The following ROBO2 variants were observed in gnomAD, a reference collection of about 807,000 sequenced individuals.
ROBO2 encodes roundabout guidance receptor 2, also known as roundabout homolog 2.
A neutral mutation model predicts 160.8 loss-of-function variants in ROBO2; 53 were observed. The observed-to-expected ratio is 0.33, with a 90% confidence interval of 0.26 to 0.41. The LOEUF is 0.41. Ranked by LOEUF, ROBO2 falls within the 10% of genes least tolerant of loss-of-function variation. The pLI is 1.00. For synonymous variants in ROBO2, 664 were observed against 611.7 expected, an observed-to-expected ratio of 1.09 and a Z score of -1.26; for missense variants, 1,577 against 1,722.4, an observed-to-expected ratio of 0.92 and a Z score of 1.49.
At chr3:77,432,769 C>A (rs920213715) in intron 2 of ROBO2, among the ~76,000 whole-genome samples, 10 of 152,116 alleles carry the variant, frequency 6.6e-5, no homozygotes, top group African/African-American at 2.4e-4. Context: ...TCAGTTTTGA[C>A]TGTAGAGATC....
At chr3:77,361,306 A>G (rs1258619233) in intron 2 of ROBO2, among the ~76,000 whole-genome samples, 2 of 152,114 alleles carry the variant, frequency 1.3e-5, no homozygotes, top group Admixed American at 1.3e-4. Flanking sequence ...ACAAAAAAGT[A>G]TTTGTTATTC....
At position 77,568,284 on chromosome 3, in the gene ROBO2, G is replaced by A. The variant is rs752680322; in HGVS notation, c.1850-29G>A. On this transcript the variant is annotated intron_variant, in intron 12 of 25. Coordinates refer to ENST00000461745, the Ensembl canonical transcript of ROBO2. ...GTAATTTTAATATGAATTTTTAAAG[G>A]TGGGAATGATTCTCTTCTCTAACTG... The A allele has an allele frequency of 7.4e-6, 12 of 1,611,190 alleles. No homozygotes were observed. In the African/African-American group the frequency reaches 9.4e-5, roughly 13 times the overall value.
chr3:77,166,965 ATGATGTTTCTTTATTCT>A (rs2079154338), intron 2 of ROBO2, among the ~76,000 whole-genome samples: 7 of 152,184 alleles, frequency 4.6e-5, no homozygotes, highest in Non-Finnish European at 1.0e-4. Context: ...ATTGCTATTT[ATGATGTTTCTTTATTCT>A]TTCTTGCACT....
intron 16 of ROBO2, among the ~76,000 whole-genome samples, chr3:77,580,643 A>G (rs1370132525): frequency 6.6e-6 from 1 of 152,174 alleles, no homozygotes; most frequent in Non-Finnish European, 1.5e-5. Flanking sequence ...TGAGATGTAT[A>G]TAAATGGAAT....
intron 2 of ROBO2, among the ~76,000 whole-genome samples, chr3:76,449,606 C>T (rs1032885775): frequency 1.3e-5 from 2 of 152,026 alleles, no homozygotes; most frequent in African/African-American, 4.8e-5. Context: ...AGCTACAGTT[C>T]CTGCAGTTAG....
chr3:77,183,527 C>T (rs1312458337), intron 2 of ROBO2, among the ~76,000 whole-genome samples: 2 of 151,944 alleles, frequency 1.3e-5, no homozygotes, highest in Non-Finnish European at 2.9e-5. Flanking sequence ...CATGTAAGGT[C>T]ATAGGAATAA....
chr3:77,601,088 C>A (rs4539917), intron 19 of ROBO2, among the ~76,000 whole-genome samples: 2 of 151,794 alleles, frequency 1.3e-5, no homozygotes, highest in Non-Finnish European at 2.9e-5. Flanking sequence ...CTAAAGAAGA[C>A]AATTTTTAGC....
intron 2 of ROBO2, among the ~76,000 whole-genome samples, chr3:76,157,081 T>C (rs2072436158): frequency 6.6e-6 from 1 of 152,196 alleles, no homozygotes; most frequent in Non-Finnish European, 1.5e-5. Context: ...AGAATTGATA[T>C]CCTCGGAGTT....
intron 2 of ROBO2, among the ~76,000 whole-genome samples, chr3:77,115,727 A>G (rs1449728465): frequency 6.6e-6 from 1 of 152,222 alleles, no homozygotes; most frequent in Non-Finnish European, 1.5e-5. Flanking sequence ...TGTTTATTTC[A>G]GTACATAGAT....
At chr3:77,198,844 A>G (rs779709074) in intron 2 of ROBO2, among the ~76,000 whole-genome samples, 1 of 152,134 alleles carries the variant, frequency 6.6e-6, no homozygotes, top group Non-Finnish European at 1.5e-5. Flanking sequence ...TGGAGGTTGC[A>G]GTGAGCTGAG....
At chr3:75,937,705 A>G in intron 2 of ROBO2, 1 of 639,370 alleles carries the variant, frequency 1.6e-6, no homozygotes, top group Non-Finnish European at 2.5e-6. Flanking sequence ...ATTTGTTGTA[A>G]TTTTCCCCCA....
chr3:76,492,703 C>T lies in ROBO2; in HGVS notation c.109+555101C>T, dbSNP rs143943961. Among the ~76,000 whole-genome samples the T allele has an allele frequency of 7.1e-3, 1,081 of 152,152 alleles. 9 individuals are homozygous for T. The highest frequency in any genetic ancestry group is 0.012 in the Non-Finnish European group (827 of 68,000). On this transcript the variant is annotated intron_variant, in intron 2 of 26. Coordinates refer to the ROBO2 transcript ENST00000487694. ...GTATGAATTAGCCATTAACGACGTA[C>T]TATATACAGCTTTTTTTTTAGAGTA... is the stretch of plus-strand genomic sequence containing the variant.
intron 2 of ROBO2, among the ~76,000 whole-genome samples, chr3:76,257,489 C>T (rs756314880): frequency 3.3e-5 from 5 of 152,084 alleles, no homozygotes; most frequent in African/African-American, 9.7e-5. Flanking sequence ...TGATGTTTAC[C>T]TAATTGATTC....
At chr3:76,874,075 G>A (rs1206079489) in intron 2 of ROBO2, among the ~76,000 whole-genome samples, 6 of 152,134 alleles carry the variant, frequency 3.9e-5, no homozygotes, top group Non-Finnish European at 8.8e-5. Flanking sequence ...AGGTTAGTGG[G>A]CCAGCCACAG....
chr3:77,642,761 C>G, intron 24 of ROBO2: 1 of 456,664 alleles, frequency 2.2e-6, no homozygotes, highest in South Asian at 1.5e-5. Context: ...GAAAACTCAG[C>G]AGAGAGAAAA....
chr3:76,100,077 A>G (rs2069620191), intron 2 of ROBO2, among the ~76,000 whole-genome samples: 1 of 152,196 alleles, frequency 6.6e-6, no homozygotes, highest in South Asian at 2.1e-4. Flanking sequence ...ACCAGAATCC[A>G]CATTAAGAAG....
At chr3:77,244,023 G>A (rs1187141133) in intron 2 of ROBO2, among the ~76,000 whole-genome samples, 1 of 152,170 alleles carries the variant, frequency 6.6e-6, no homozygotes, top group Non-Finnish European at 1.5e-5. Flanking sequence ...TTGGTATCAA[G>A]TATCCAAATT....
At chr3:76,390,057 T>C (rs1241636917) in intron 2 of ROBO2, among the ~76,000 whole-genome samples, 2 of 152,148 alleles carry the variant, frequency 1.3e-5, no homozygotes, top group African/African-American at 4.8e-5. Flanking sequence ...AGAATAAAAA[T>C]TGTCTTCACA....
intron 2 of ROBO2, among the ~76,000 whole-genome samples, chr3:76,117,623 T>A (rs1356209289): frequency 6.6e-6 from 1 of 152,152 alleles, no homozygotes; most frequent in Non-Finnish European, 1.5e-5. Flanking sequence ...AGTTGAGGTA[T>A]TTTGTTTTCC....
Sources: allele counts gnomAD v4.1 joint callset (sites outside exome capture counted in the v4.1 genomes callset), GRCh38; gene constraint gnomAD v4.1.1; transcripts MANE v1.5; gene names NCBI Gene and HGNC (gene_info 2026-07-23, HGNC 2026-07-21).